FAM240A: variants seen among roughly 807,000 people sequenced by gnomAD.
FAM240A encodes the protein protein FAM240A.
In FAM240A, 8 loss-of-function variants were observed where a neutral mutation model predicts 7.3. The ratio of observed to expected loss-of-function variants is 1.09; its 90% confidence interval spans 0.64 to 1.97. The LOEUF is 1.97. Among genes scored for constraint, FAM240A ranks in the 30% most tolerant of loss-of-function variants. The probability of loss-of-function intolerance (pLI) is 0.00; values close to 1 mark genes in which losing one functional copy is unlikely to be tolerated. For missense variants in FAM240A, 90 were observed against 102.2 expected, an observed-to-expected ratio of 0.88 and a Z score of 0.52; for synonymous variants, 32 against 35.9, an observed-to-expected ratio of 0.89 and a Z score of 0.38.
Position 46,612,609 on chromosome 3 carries a change from G to A in FAM240A, c.-75G>A. The A allele has an allele frequency of 8.2e-7, 1 of 1,214,740 alleles. No homozygotes were observed. Among genetic ancestry groups the A allele is most frequent in the South Asian group, 1.3e-5 (1 of 78,006 alleles). The allele number at this position is 1,214,740 out of a possible 1,614,324, so 75.2% of individuals were successfully genotyped here. On this transcript the variant is annotated 5_prime_UTR_variant, in exon 1 of 3. Coordinates refer to ENST00000640551, the MANE Select transcript of FAM240A (RefSeq NM_001195442.2). Reference sequence around the variant, plus strand: ...TTGCTGAACGTGAATTGGCTCCTGGGGCAGCACAGATGCCTCACAGGCGGT... The same window carrying A: ...TTGCTGAACGTGAATTGGCTCCTGGAGCAGCACAGATGCCTCACAGGCGGT...
chr3:46,622,318 G>C lies in FAM240A; in HGVS notation c.162-2810G>C, dbSNP rs556191064. ...AGACGGGGTTTCACCGTGTTAGCCA[G>C]GATGGTCTCAATCTTCTGACCTCGT... On this transcript the variant is annotated intron_variant, in intron 2 of 2. Transcript: ENST00000640551. Among the ~76,000 whole-genome samples the C allele has an allele frequency of 1.3e-4, 20 of 151,846 alleles. 1 individual carries two copies. The South Asian group carries it at 4.2e-3, about 32-fold the overall frequency.
chr3:46,616,690 TACACACACACAC>T (rs3087116), intron 1 of FAM240A, among the ~76,000 whole-genome samples: 6,813 of 143,626 alleles, frequency 0.047, 201 homozygotes, highest in Non-Finnish European at 0.071. Flanking sequence ...AGTATTCCAT[TACACACACACAC>T]ACACACACAC....
intron 2 of FAM240A, 57 bp downstream of exon 2, chr3:46,617,385 T>C (rs527436703): frequency 1.4e-5 from 20 of 1,420,400 alleles, no homozygotes; most frequent in Non-Finnish European, 1.9e-5. Flanking sequence ...ATACATCGTA[T>C]AATTTAGAAC....
Position 46,625,819 on chromosome 3 carries a change from A to T in FAM240A, c.*601A>T, listed in dbSNP as rs191320535. 3.9e-5 allele frequency: 6 copies of T among 152,324 alleles called. No homozygotes were observed. Among genetic ancestry groups the T allele is most frequent in the Admixed American group, 2.6e-4 (4 of 15,308 alleles). 9.4% of individuals were successfully genotyped at this position (152,324 alleles called of 1,614,324 possible). A position where few individuals can be genotyped will look rare whatever the true frequency, so the allele number is the denominator to read the frequency against. On this transcript the variant is annotated 3_prime_UTR_variant, in exon 3 of 3. Coordinates refer to ENST00000640551, the MANE Select transcript of FAM240A (RefSeq NM_001195442.2). ...AATAATATCAGAATAATTTTAATAAAACTTGGTTGTCCTGTCATCACTATG... is the reference window on the plus strand; with the variant it reads ...AATAATATCAGAATAATTTTAATAATACTTGGTTGTCCTGTCATCACTATG...
chr3:46,624,134 A>T lies in FAM240A; in HGVS notation c.162-994A>T, dbSNP rs186960021. Among the ~76,000 whole-genome samples the T allele has an allele frequency of 2.0e-4, 31 of 152,262 alleles. No homozygotes were observed. In the East Asian group the frequency reaches 5.2e-3, roughly 26 times the overall value. ...TTTATCACTTTTTGTGTAGCATAAGAACCTTAAAATGGTATATTCTCATTT... is the reference window on the plus strand; with the variant it reads ...TTTATCACTTTTTGTGTAGCATAAGTACCTTAAAATGGTATATTCTCATTT... On this transcript the variant is annotated intron_variant, in intron 2 of 2. Coordinates refer to ENST00000640551, the MANE Select transcript of FAM240A (RefSeq NM_001195442.2).
intron 2 of FAM240A, among the ~76,000 whole-genome samples, chr3:46,622,178 C>T (rs1421238451): frequency 2.7e-5 from 4 of 147,746 alleles, no homozygotes; most frequent in East Asian, 2.0e-4. Flanking sequence ...CGATCTTGGC[C>T]CACTGCAAGC....
intron 2 of FAM240A, among the ~76,000 whole-genome samples, chr3:46,621,872 T>G (rs530049323): frequency 1.2e-4 from 18 of 152,150 alleles, no homozygotes; most frequent in Non-Finnish European, 2.5e-4. Context: ...TTATTGTAAC[T>G]GGCTTGTTTC....
At chr3:46,618,219 A>C in intron 2 of FAM240A, among the ~76,000 whole-genome samples, 1 of 152,314 alleles carries the variant, frequency 6.6e-6, no homozygotes, top group South Asian at 2.1e-4. Flanking sequence ...CCTGAGCCCT[A>C]GAGGGGAACC....
chr3:46,622,188 C>T (rs977032471), intron 2 of FAM240A, among the ~76,000 whole-genome samples: 1 of 146,708 alleles, frequency 6.8e-6, no homozygotes, highest in Non-Finnish European at 1.5e-5. Context: ...CCACTGCAAG[C>T]TCCATCTCCC....
rs1697744097 is a variant in FAM240A, at chr3:46,625,308, A to G, written c.*90A>G. On this transcript the variant is annotated 3_prime_UTR_variant, in exon 3 of 3. Coordinates refer to ENST00000640551, the MANE Select transcript of FAM240A (RefSeq NM_001195442.2). ...GCAAATTCCTGAGTCCCTTTGCTAT[A>G]CCAATCAGCTCTCACACTATTGTTT... The G allele has an allele frequency of 2.3e-6, 2 of 878,986 alleles. No homozygotes were observed. The highest frequency in any genetic ancestry group is 3.1e-5 in the South Asian group (2 of 64,594). 54.4% of individuals were successfully genotyped at this position (878,986 alleles called of 1,614,324 possible).
At chr3:46,622,402 G>A (rs764569664) in intron 2 of FAM240A, among the ~76,000 whole-genome samples, 16 of 151,984 alleles carry the variant, frequency 1.1e-4, no homozygotes, top group Non-Finnish European at 2.1e-4. Flanking sequence ...CACCGCGCCC[G>A]GCTGAGAAAA....
At chr3:46,624,264 ATTTTT>A (rs59290700) in intron 2 of FAM240A, among the ~76,000 whole-genome samples, 1,987 of 96,424 alleles carry the variant, frequency 0.021, 16 homozygotes, top group Non-Finnish European at 0.027. Context: ...ACGGTGGGCT[ATTTTT>A]TTTTTTTTTT....
intron 1 of FAM240A, among the ~76,000 whole-genome samples, chr3:46,616,145 C>A (rs1697626999): frequency 6.6e-6 from 1 of 152,198 alleles, no homozygotes. Context: ...TTGCCAGGTG[C>A]CAGCTTGTGG....
chr3:46,617,330 T>C lies in FAM240A; in HGVS notation c.161+2T>C. ...TCTGGGAAGAAGCGCACTGAGAAAG[T>C]ATGTGGCTTGTTTGTCTACTTTTTA... is the stretch of plus-strand genomic sequence containing the variant. On this transcript the variant is annotated splice_donor_variant, in intron 2 of 2. Coordinates refer to ENST00000640551, the MANE Select transcript of FAM240A (RefSeq NM_001195442.2). LOFTEE classifies it high-confidence loss of function. 6.6e-7 allele frequency: 1 copy of C among 1,517,218 alleles called. No homozygotes were observed. Among genetic ancestry groups the C allele is most frequent in the Non-Finnish European group, 8.8e-7 (1 of 1,140,444 alleles). 94.0% of individuals were successfully genotyped at this position (1,517,218 alleles called of 1,614,324 possible). A position where few individuals can be genotyped will look rare whatever the true frequency, so the allele number is the denominator to read the frequency against.
chr3:46,612,570 T>C lies in FAM240A; in HGVS notation c.-114T>C. The C allele has an allele frequency of 2.5e-6, 2 of 808,054 alleles. No individual in the cohort carries two copies. Among genetic ancestry groups the C allele is most frequent in the Non-Finnish European group, 4.1e-6 (2 of 484,988 alleles). 50.1% of individuals were successfully genotyped at this position (808,054 alleles called of 1,614,324 possible). A position where few individuals can be genotyped will look rare whatever the true frequency, so the allele number is the denominator to read the frequency against. On this transcript the variant is annotated 5_prime_UTR_variant, in exon 1 of 3. Transcript: ENST00000640551. Reference sequence around the variant, plus strand: ...AGGCTTGCGAGGGACAAATGTTCCTTTGTTCTTGTTGATTTGCTGAACGTG... The same window carrying C: ...AGGCTTGCGAGGGACAAATGTTCCTCTGTTCTTGTTGATTTGCTGAACGTG...
Position 46,618,880 on chromosome 3 carries a change from TATACACAC to T in FAM240A, c.161+1554_161+1561del, listed in dbSNP as rs1429041342. Among the ~76,000 whole-genome samples, 341 of 83,100 alleles carry T rather than the reference TATACACAC, an allele frequency of 4.1e-3. 2 individuals are homozygous for T. Among genetic ancestry groups the T allele is most frequent in the East Asian group, 0.015 (50 of 3,272 alleles). 54.5% of individuals were successfully genotyped at this position (83,100 alleles called of 152,430 possible). The stretch of plus-strand genomic sequence containing the variant: ...ATATATATATATGTATATATATATA[TATACACAC>T]ACACACACACACACACACACACACA... On this transcript the variant is annotated intron_variant, in intron 2 of 2. Transcript: ENST00000640551.
chr3:46,624,978 T>C (rs911755395), intron 2 of FAM240A, 150 bp from the exon 3 acceptor site: 51 of 209,994 alleles, frequency 2.4e-4, no homozygotes, highest in African/African-American at 1.1e-3. Flanking sequence ...TATATATATA[T>C]ATATTTAAAC....
chr3:46,613,392 G>A (rs1697589689), intron 1 of FAM240A, among the ~76,000 whole-genome samples: 1 of 152,044 alleles, frequency 6.6e-6, no homozygotes, highest in East Asian at 1.9e-4. Flanking sequence ...TACTGGGGAG[G>A]CTGAAGCAGG....
chr3:46,618,880 TATACACACACACACACAC>T (rs1188271168), intron 2 of FAM240A, among the ~76,000 whole-genome samples: 3 of 83,052 alleles, frequency 3.6e-5, no homozygotes, highest in Non-Finnish European at 5.7e-5. Flanking sequence ...TATATATATA[TATACACACACACACACAC>T]ACACACACAC....
Sources: allele counts gnomAD v4.1 joint callset (sites outside exome capture counted in the v4.1 genomes callset), GRCh38; gene constraint gnomAD v4.1.1; transcripts MANE v1.5; gene names NCBI Gene and HGNC (gene_info 2026-07-23, HGNC 2026-07-21).